The following NPAS3 variants were observed in gnomAD, a reference collection of about 807,000 sequenced individuals.
NPAS3 encodes neuronal PAS domain-containing protein 3.
NPAS3 carries 14 observed loss-of-function variants against 73.1 expected under a neutral mutation model. That is an observed-to-expected ratio of 0.19 (90% CI 0.13 to 0.30). The LOEUF (loss-of-function observed/expected upper bound fraction) is 0.30. Ranked by LOEUF, NPAS3 falls within the 10% of genes least tolerant of loss-of-function variation. NPAS3 has a pLI of 1.00. For synonymous variants in NPAS3, 620 were observed against 541.5 expected (o/e 1.14, Z -2.01); for missense variants, 1,096 against 1,250.0 (o/e 0.88, Z 1.86).
intron 1 of NPAS3, among the ~76,000 whole-genome samples, chr14:33,022,480 C>A (rs528165596): frequency 6.6e-6 from 1 of 151,986 alleles, no homozygotes; most frequent in East Asian, 1.9e-4. Context: ...CTGGCTAACA[C>A]GGTGAAACTC....
At chr14:33,575,294 G>A (rs979976882) in intron 5 of NPAS3, among the ~76,000 whole-genome samples, 7 of 152,256 alleles carry the variant, frequency 4.6e-5, no homozygotes, top group Non-Finnish European at 8.8e-5. Context: ...TTCATAGATC[G>A]TATTCATTGT....
intron 2 of NPAS3, among the ~76,000 whole-genome samples, chr14:33,072,605 C>T (rs2041523561): frequency 1.3e-5 from 2 of 152,152 alleles, no homozygotes; most frequent in South Asian, 4.1e-4. Flanking sequence ...GTTAGGTGGT[C>T]CCATCATAAC....
At chr14:33,680,591 T>C in intron 6 of NPAS3, 3 of 702,730 alleles carry the variant, frequency 4.3e-6, no homozygotes, top group Non-Finnish European at 5.2e-6. Context: ...AAAATTCCCT[T>C]TCTGTCTCCA....
chr14:33,445,932 C>CT (rs386381059), intron 4 of NPAS3, among the ~76,000 whole-genome samples: 5,530 of 134,324 alleles, frequency 0.041, 176 homozygotes, highest in African/African-American at 0.084. Context: ...GAGTGTTGCA[C>CT]TTTTTTTTTT....
chr14:33,276,761 A>T (rs1243112018), intron 3 of NPAS3, among the ~76,000 whole-genome samples: 1 of 152,130 alleles, frequency 6.6e-6, no homozygotes, highest in Non-Finnish European at 1.5e-5. Context: ...AATAGAAATT[A>T]TGATTATTTT....
At chr14:33,243,381 A>T (rs1415014729) in intron 3 of NPAS3, among the ~76,000 whole-genome samples, 2 of 151,814 alleles carry the variant, frequency 1.3e-5, no homozygotes, top group East Asian at 1.9e-4. Flanking sequence ...TTGAATACCT[A>T]CTCCAGTGGT....
intron 2 of NPAS3, among the ~76,000 whole-genome samples, chr14:33,160,229 C>T (rs910888174): frequency 1.4e-4 from 21 of 151,932 alleles, no homozygotes; most frequent in Non-Finnish European, 2.8e-4. Flanking sequence ...TTAAGTGATG[C>T]CATGATCAAG....
At chr14:33,517,875 T>A (rs561715489) in intron 4 of NPAS3, among the ~76,000 whole-genome samples, 1 of 152,072 alleles carries the variant, frequency 6.6e-6, no homozygotes, top group Non-Finnish European at 1.5e-5. Context: ...TGGCATGCAA[T>A]AGGTGCTCAG....
rs553079943 is a variant in NPAS3 at position 33,168,769 on chromosome 14, A to G, written c.141-46413A>G. On this transcript the variant is annotated intron_variant, in intron 2 of 11. Transcript: ENST00000356141. ...CCCCTCTTCCCCTCTTCCTTCTGCC[A>G]TTCACGTTGGCCTTCCTCCTGTTCT... Among the ~76,000 whole-genome samples, 13 of 152,138 alleles carry G rather than the reference A, an allele frequency of 8.5e-5. No homozygotes were observed. The East Asian group carries it at 2.3e-3, about 27-fold the overall frequency.
intron 7 of NPAS3, among the ~76,000 whole-genome samples, chr14:33,764,787 T>G (rs1020037537): frequency 6.6e-6 from 1 of 152,234 alleles, no homozygotes; most frequent in African/African-American, 2.4e-5. Context: ...TGGGCCTCTG[T>G]CCTTCTCTAG....
At chr14:33,796,451 C>T (rs1325110766) in intron 10 of NPAS3, among the ~76,000 whole-genome samples, 1 of 152,192 alleles carries the variant, frequency 6.6e-6, no homozygotes, top group Admixed American at 6.5e-5. Flanking sequence ...ATTACCCCTC[C>T]CAGGAACATT....
intron 9 of NPAS3, chr14:33,780,870 A>C: frequency 3.9e-6 from 1 of 257,864 alleles, no homozygotes; most frequent in Non-Finnish European, 7.7e-6. Context: ...TATGCTTTCA[A>C]ATTCTGATTT....
At chr14:33,636,624 C>T (rs963212520) in intron 5 of NPAS3, among the ~76,000 whole-genome samples, 4 of 152,084 alleles carry the variant, frequency 2.6e-5, no homozygotes, top group East Asian at 1.9e-4. Context: ...ATCAGGCAGC[C>T]GCTGCCAGAA....
intron 4 of NPAS3, among the ~76,000 whole-genome samples, chr14:33,543,037 G>A (rs930852831): frequency 2.6e-4 from 39 of 152,328 alleles, no homozygotes; most frequent in Non-Finnish European, 5.7e-4. Context: ...CTGTCCCCAT[G>A]ATGATGAACG....
At chr14:33,593,929 G>T (rs1230920088) in intron 5 of NPAS3, among the ~76,000 whole-genome samples, 4 of 152,118 alleles carry the variant, frequency 2.6e-5, no homozygotes, top group Non-Finnish European at 5.9e-5. Context: ...CCAGCATCCT[G>T]TGCATACCTC....
intron 2 of NPAS3, among the ~76,000 whole-genome samples, chr14:33,091,573 T>C (rs2042225383): frequency 6.6e-6 from 1 of 152,166 alleles, no homozygotes. Context: ...AAGGAGGAGC[T>C]GGTACCATTC....
At chr14:33,265,465 C>A (rs953666032) in intron 3 of NPAS3, among the ~76,000 whole-genome samples, 2 of 151,652 alleles carry the variant, frequency 1.3e-5, no homozygotes, top group African/African-American at 4.8e-5. Context: ...TTGAACTTAA[C>A]CTTTTCTGTG....
intron 9 of NPAS3, among the ~76,000 whole-genome samples, chr14:33,785,602 A>C (rs903951219): frequency 6.6e-6 from 1 of 152,166 alleles, no homozygotes; most frequent in Non-Finnish European, 1.5e-5. Flanking sequence ...GATACCTCAC[A>C]TATCTCAAAA....
chr14:33,616,259 C>T (rs1464005692), intron 5 of NPAS3, among the ~76,000 whole-genome samples: 2 of 152,314 alleles, frequency 1.3e-5, no homozygotes, highest in East Asian at 3.9e-4. Flanking sequence ...CAAGCCCTCA[C>T]AGACGAAGAT....
Sources: allele counts gnomAD v4.1 joint callset (sites outside exome capture counted in the v4.1 genomes callset), GRCh38; gene constraint gnomAD v4.1.1; transcripts MANE v1.5; gene names NCBI Gene and HGNC (gene_info 2026-07-23, HGNC 2026-07-21).